GSN: variants seen among roughly 807,000 people sequenced by gnomAD.
The protein encoded by GSN is gelsolin, also known as actin-depolymerizing factor.
A neutral mutation model predicts 85.7 loss-of-function variants in GSN; 56 were observed. The ratio of observed to expected loss-of-function variants is 0.65; its 90% CI spans 0.53 to 0.82. GSN has a LOEUF of 0.82. Among genes scored for constraint, GSN ranks in the 40% least tolerant of loss-of-function variants. The probability of loss-of-function intolerance (pLI) is 0.00; values close to 1 mark genes in which losing one functional copy is unlikely to be tolerated. For synonymous variants in GSN, 373 were observed against 399.1 expected (o/e 0.93, Z 0.78); for missense variants, 857 against 979.8 (o/e 0.87, Z 1.67).
intron 7 of GSN, among the ~76,000 whole-genome samples, chr9:121,316,234 C>T (rs1334299870): frequency 6.6e-6 from 1 of 152,114 alleles, no homozygotes; most frequent in East Asian, 1.9e-4. Flanking sequence ...TTTAAGTTTA[C>T]AGAAAAATTG....
chr9:121,264,578 AAC>A (rs1412547426), upstream of GSN, among the ~76,000 whole-genome samples: 6 of 152,226 alleles, frequency 3.9e-5, no homozygotes, highest in African/African-American at 1.2e-4. Flanking sequence ...TGGAGAAAAT[AAC>A]AGTCTCCTTT....
intron 2 of GSN, among the ~76,000 whole-genome samples, chr9:121,296,766 C>T (rs1310931613): frequency 6.6e-6 from 1 of 152,184 alleles, no homozygotes; most frequent in Non-Finnish European, 1.5e-5. Context: ...GACAATGTTG[C>T]CCGCATCATG....
intron 4 of GSN, among the ~76,000 whole-genome samples, chr9:121,306,458 A>G (rs2060433108): frequency 6.6e-6 from 1 of 152,262 alleles, no homozygotes; most frequent in Non-Finnish European, 1.5e-5. Context: ...ACAGAAATAT[A>G]GGTTCCAGAA....
intron 10 of GSN, among the ~76,000 whole-genome samples, 198 bp downstream of exon 10, chr9:121,319,078 C>A (rs2062066346): frequency 6.6e-6 from 1 of 152,232 alleles, no homozygotes; most frequent in South Asian, 2.1e-4. Context: ...CCCCACCTTG[C>A]CCCGAGGAGT....
intron 5 of GSN, among the ~76,000 whole-genome samples, chr9:121,246,514 G>T (rs2054702434): frequency 6.6e-6 from 1 of 151,822 alleles, no homozygotes; most frequent in Non-Finnish European, 1.5e-5. Flanking sequence ...AGACTTTTTT[G>T]GTTGCAACTA....
intron 6 of GSN, among the ~76,000 whole-genome samples, chr9:121,258,399 G>A (rs2055011687): frequency 6.6e-6 from 1 of 151,988 alleles, no homozygotes. Flanking sequence ...GGAGGAGGAG[G>A]TTGCAGTGAG....
chr9:121,266,524 T>C (rs2055213260), upstream of GSN, among the ~76,000 whole-genome samples: 1 of 152,210 alleles, frequency 6.6e-6, no homozygotes, highest in Non-Finnish European at 1.5e-5. Context: ...ATACCTTGCT[T>C]GTATTCTCAG....
At chr9:121,222,828 G>A (rs80241890) in intron 4 of GSN, 12,495 of 152,114 alleles carry the variant, frequency 0.082, 683 homozygotes, top group Admixed American at 0.18. Context: ...GAAGTAAAAA[G>A]CTACACTTGG....
rs2063664293 is a variant in GSN at position 121,329,624 on chromosome 9, A to T, written c.1965+309A>T. 6.6e-6 allele frequency among the ~76,000 whole-genome samples: 1 copy of T among 152,122 alleles called. No homozygotes were observed. The highest frequency in any genetic ancestry group is 2.4e-5 in the African/African-American group (1 of 41,424). On this transcript the variant is annotated intron_variant, in intron 16 of 17. Coordinates refer to ENST00000432226, the MANE Select transcript of GSN (RefSeq NM_198252.3). The surrounding 1 kb of genome is among the most constrained non-coding windows in gnomAD (Gnocchi z 4.6). ...GCAGGAGCGTGAACTCTTCCTTTAAATCTGTTGGCAGAGGAAGTTGAACTT... is the reference window on the plus strand; with the variant it reads ...GCAGGAGCGTGAACTCTTCCTTTAATTCTGTTGGCAGAGGAAGTTGAACTT...
intron 4 of GSN, among the ~76,000 whole-genome samples, chr9:121,224,923 ATCC>A (rs1427009602): frequency 1.3e-5 from 2 of 152,112 alleles, no homozygotes; most frequent in Admixed American, 1.3e-4. Flanking sequence ...GGCTCAGGTG[ATCC>A]TCCTATCTGA....
At chr9:121,213,923 G>A (rs778774092) in intron 4 of GSN, among the ~76,000 whole-genome samples, 7 of 152,322 alleles carry the variant, frequency 4.6e-5, no homozygotes, top group Non-Finnish European at 7.4e-5. Context: ...CGACGAGCTC[G>A]TACCTTCTTT....
intron 2 of GSN, among the ~76,000 whole-genome samples, chr9:121,293,575 C>T (rs2058907728): frequency 1.3e-5 from 2 of 151,806 alleles, no homozygotes; most frequent in Admixed American, 6.6e-5. Flanking sequence ...GTGGTAAAAC[C>T]CCGTCTCTAC....
chr9:121,301,788 G>A (rs1220841395), intron 2 of GSN, 175 bp from the exon 3 acceptor site: 1 of 935,698 alleles, frequency 1.1e-6, no homozygotes, highest in Non-Finnish European at 1.7e-6. Context: ...CTCTTGCCCT[G>A]TTTGCTGACT....
At chr9:121,245,100 G>A (rs948508791) in intron 5 of GSN, among the ~76,000 whole-genome samples, 1 of 152,192 alleles carries the variant, frequency 6.6e-6, no homozygotes, top group African/African-American at 2.4e-5. Flanking sequence ...TCCAGTTGAT[G>A]ACGTAACCAC....
At chr9:121,216,675 T>C (rs964784376) in intron 4 of GSN, among the ~76,000 whole-genome samples, 1 of 152,192 alleles carries the variant, frequency 6.6e-6, no homozygotes, top group Non-Finnish European at 1.5e-5. Flanking sequence ...CTTCTCCCTG[T>C]TTTCTTGGTA....
At position 121,330,415 on chromosome 9, in the gene GSN, A is replaced by G. The variant is rs1216340265; in HGVS notation, c.1966-973A>G. ...TGGTGAAACCCCATCTCTACTAAAA[A>G]TACAAAACAATTAGCCAGGCTTGGT... On this transcript the variant is annotated intron_variant, in intron 16 of 17. Coordinates refer to ENST00000432226, the MANE Select transcript of GSN (RefSeq NM_198252.3). 4.6e-5 allele frequency among the ~76,000 whole-genome samples: 7 copies of G among 152,320 alleles called. No individual in the cohort carries two copies. In the East Asian group the frequency reaches 1.4e-3, roughly 29 times the overall value.
chr9:121,327,546 C>T, intron 14 of GSN, 64 bp downstream of exon 14: 1 of 1,368,512 alleles, frequency 7.3e-7, no homozygotes, highest in Non-Finnish European at 9.9e-7. Flanking sequence ...CCCCTTCTTT[C>T]CTTCAGCTTG....
intron 4 of GSN, among the ~76,000 whole-genome samples, chr9:121,228,469 T>C (rs2054322420): frequency 7.4e-6 from 1 of 135,644 alleles, no homozygotes; most frequent in Non-Finnish European, 1.5e-5. Flanking sequence ...GGTCTTGCTT[T>C]GTTACCCAGA....
At chr9:121,267,570 G>T (rs549730125), upstream of GSN, among the ~76,000 whole-genome samples, 28 of 152,196 alleles carry the variant, frequency 1.8e-4, no homozygotes, top group Middle Eastern at 3.4e-3. Context: ...GATGTCTGGG[G>T]TTCCAAACCA....
Sources: gnomAD v4.1 joint callset for allele counts (sites outside exome capture counted in the v4.1 genomes callset) on GRCh38, gnomAD v4.1.1 for gene constraint, Gnocchi (gnomAD v3.1) non-coding constraint, MANE v1.5 for transcripts, NCBI Gene and HGNC (gene_info 2026-07-23, HGNC 2026-07-21) for gene names.